The following XKR9 variants were observed in gnomAD, a reference collection of about 807,000 sequenced individuals.
The protein encoded by XKR9 is XK related 9, also known as XK-related protein 9.
XKR9 carries 32 observed loss-of-function variants against 32.0 expected under a neutral mutation model. The observed-to-expected ratio is 1.00, with a 90% CI of 0.76 to 1.34. XKR9 has a LOEUF of 1.34. XKR9 is among the 40% of genes most tolerant of loss of function. XKR9 has a pLI of 0.00. For missense variants in XKR9, 546 were observed against 429.7 expected (o/e 1.27, Z -2.39); for synonymous variants, 168 against 143.4 (o/e 1.17, Z -1.22).
At chr8:70,892,299 A>C in the XKR9 span, among the ~76,000 whole-genome samples, 1 of 151,360 alleles carries the variant, frequency 6.6e-6, no homozygotes, top group Non-Finnish European at 1.5e-5. Context: ...TTTGTTAATT[A>C]TTTTCTGGTT....
At chr8:70,895,716 G>T in the XKR9 span, among the ~76,000 whole-genome samples, 43 of 151,438 alleles carry the variant, frequency 2.8e-4, 1 homozygote, top group African/African-American at 1.0e-3. Flanking sequence ...TGTGTGCAAT[G>T]GTTCATGCCT....
At chr8:70,860,421 T>C in the XKR9 span, among the ~76,000 whole-genome samples, 1 of 152,166 alleles carries the variant, frequency 6.6e-6, no homozygotes, top group Non-Finnish European at 1.5e-5. Context: ...TATCTCAGAC[T>C]TCCAGCCTTC....
At chr8:71,006,939 T>G in the XKR9 span, among the ~76,000 whole-genome samples, 1 of 152,202 alleles carries the variant, frequency 6.6e-6, no homozygotes, top group Admixed American at 6.5e-5. Context: ...GACAAGTGGA[T>G]GTACGATTCC....
At chr8:70,722,303 G>A (rs931788393) in intron 4 of XKR9, among the ~76,000 whole-genome samples, 1 of 152,038 alleles carries the variant, frequency 6.6e-6, no homozygotes, top group Non-Finnish European at 1.5e-5. Context: ...TACATTTAAG[G>A]TTAATACTAT....
At chr8:70,910,095 G>GAAA in the XKR9 span, among the ~76,000 whole-genome samples, 1 of 140,352 alleles carries the variant, frequency 7.1e-6, no homozygotes, top group African/African-American at 2.6e-5. Flanking sequence ...ACCCTGTGGG[G>GAAA]AAAAAAAAAA....
chr8:70,861,993 T>C, the XKR9 span, among the ~76,000 whole-genome samples: 1 of 152,142 alleles, frequency 6.6e-6, no homozygotes, highest in Non-Finnish European at 1.5e-5. Flanking sequence ...TGTTGATTGT[T>C]TGTGGTGTGG....
the XKR9 span, among the ~76,000 whole-genome samples, chr8:70,922,299 C>G: frequency 0.73 from 111,387 of 152,090 alleles, 41,654 homozygotes; most frequent in African/African-American, 0.87. Context: ...CATTTAGAAG[C>G]GCCACTCAAA....
At chr8:70,723,640 G>A (rs758303639) in intron 4 of XKR9, among the ~76,000 whole-genome samples, 14 of 152,100 alleles carry the variant, frequency 9.2e-5, no homozygotes, top group Non-Finnish European at 1.8e-4. Context: ...TATCACCAGC[G>A]GAGGCTGCAG....
At chr8:70,831,905 G>T in the XKR9 span, among the ~76,000 whole-genome samples, 1 of 152,124 alleles carries the variant, frequency 6.6e-6, no homozygotes, top group Non-Finnish European at 1.5e-5. Context: ...TTCCCTGGCA[G>T]GGATGACTGA....
the XKR9 span, among the ~76,000 whole-genome samples, chr8:70,923,438 A>G: frequency 1.3e-5 from 2 of 152,170 alleles, no homozygotes; most frequent in Non-Finnish European, 2.9e-5. Flanking sequence ...CTGAACCTTG[A>G]TGTTACTCTG....
chr8:70,987,152 C>T, the XKR9 span, among the ~76,000 whole-genome samples: 2 of 152,148 alleles, frequency 1.3e-5, no homozygotes, highest in East Asian at 3.8e-4. Context: ...GGTGGGGACA[C>T]AGCCAAACCA....
At chr8:70,750,242 A>G (rs1046650930) in intron 2 of XKR9, among the ~76,000 whole-genome samples, 17 of 152,126 alleles carry the variant, frequency 1.1e-4, no homozygotes, top group Admixed American at 1.1e-3. Flanking sequence ...TTGCATTTCT[A>G]TGTTGCTCTG....
the XKR9 span, among the ~76,000 whole-genome samples, chr8:70,918,136 C>T: frequency 6.6e-6 from 1 of 152,158 alleles, no homozygotes; most frequent in African/African-American, 2.4e-5. Flanking sequence ...CACATTTTAT[C>T]TTTGGGTATT....
the XKR9 span, among the ~76,000 whole-genome samples, chr8:70,995,077 A>G: frequency 6.6e-6 from 1 of 152,210 alleles, no homozygotes. Context: ...TTTACAAACT[A>G]TGTCCTGCTT....
At chr8:70,819,026 G>A in the XKR9 span, among the ~76,000 whole-genome samples, 2 of 152,296 alleles carry the variant, frequency 1.3e-5, no homozygotes, top group Middle Eastern at 3.4e-3. Context: ...TGCAGTCAAA[G>A]CTGGTTAAAA....
chr8:70,743,376 A>C (rs1807015259), intron 2 of XKR9, among the ~76,000 whole-genome samples: 1 of 152,120 alleles, frequency 6.6e-6, no homozygotes, highest in Admixed American at 6.6e-5. Context: ...TACCTGGGTC[A>C]TTTTGGGATT....
chr8:70,974,512 G>A, the XKR9 span, among the ~76,000 whole-genome samples: 2 of 152,082 alleles, frequency 1.3e-5, no homozygotes, highest in Admixed American at 6.6e-5. Context: ...CTGGCCTGGC[G>A]ATAGTTTGCT....
chr8:70,911,290 C>A, the XKR9 span, among the ~76,000 whole-genome samples: 5 of 152,276 alleles, frequency 3.3e-5, no homozygotes, highest in Non-Finnish European at 7.4e-5. Context: ...GTTTGACTTT[C>A]TTGATATTCA....
chr8:71,023,193 G>A, the XKR9 span, among the ~76,000 whole-genome samples: 1 of 152,024 alleles, frequency 6.6e-6, no homozygotes, highest in African/African-American at 2.4e-5. Context: ...TGTTTCCTGT[G>A]TCCTTTCACT....
Sources: allele counts gnomAD v4.1 joint callset (sites outside exome capture counted in the v4.1 genomes callset), GRCh38; gene constraint gnomAD v4.1.1; transcripts MANE v1.5; gene names NCBI Gene and HGNC (gene_info 2026-07-23, HGNC 2026-07-21).